The following DCDC2C variants were observed in gnomAD, a reference collection of about 807,000 sequenced individuals.
DCDC2C encodes the protein doublecortin domain containing 2C.
In DCDC2C, 44 loss-of-function variants were observed where a neutral mutation model predicts 45.0. That is an observed-to-expected ratio of 0.98 (90% CI 0.77 to 1.26). DCDC2C has a LOEUF of 1.26. Among genes scored for constraint, DCDC2C ranks in the 50% most tolerant of loss-of-function variants. The pLI, the probability that DCDC2C is intolerant of heterozygous loss-of-function variation, is 0.00. For missense variants in DCDC2C, 447 were observed against 468.9 expected (o/e 0.95, Z 0.43); for synonymous variants, 187 against 178.8 (o/e 1.05, Z -0.37).
intron 10 of DCDC2C, among the ~76,000 whole-genome samples, chr2:3,829,994 G>C (rs1239294545): frequency 1.3e-5 from 2 of 152,246 alleles, no homozygotes; most frequent in African/African-American, 4.8e-5. Context: ...CTGTGAAGAA[G>C]CCGTCAGGGC....
chr2:3,813,154 C>T (rs1480976641), intron 10 of DCDC2C, among the ~76,000 whole-genome samples: 1 of 151,220 alleles, frequency 6.6e-6, no homozygotes, highest in Non-Finnish European at 1.5e-5. Context: ...TCACTGCAAC[C>T]TCCACCTCTC....
intron 10 of DCDC2C, among the ~76,000 whole-genome samples, chr2:3,831,779 T>C (rs1400924222): frequency 6.6e-6 from 1 of 152,190 alleles, no homozygotes; most frequent in Non-Finnish European, 1.5e-5. Flanking sequence ...ACATCTGTGA[T>C]GTCTAAGGCA....
At chr2:3,763,275 G>T (rs1669931487) in intron 6 of DCDC2C, among the ~76,000 whole-genome samples, 2 of 152,160 alleles carry the variant, frequency 1.3e-5, no homozygotes, top group South Asian at 4.2e-4. Context: ...CCAGGAGGCA[G>T]GCACCATCTC....
intron 2 of DCDC2C, among the ~76,000 whole-genome samples, chr2:3,713,429 G>A (rs1229528914): frequency 6.6e-6 from 1 of 152,122 alleles, no homozygotes; most frequent in African/African-American, 2.4e-5. Flanking sequence ...CCAGAATGAG[G>A]GCCTTCCCCC....
intron 3 of DCDC2C, among the ~76,000 whole-genome samples, chr2:3,728,791 T>A (rs559466985): frequency 1.3e-5 from 2 of 152,370 alleles, no homozygotes; most frequent in African/African-American, 4.8e-5. Flanking sequence ...TGACCCTTTC[T>A]GGTGAAGAGG....
intron 9 of DCDC2C, among the ~76,000 whole-genome samples, chr2:3,780,454 G>C (rs1366569889): frequency 6.6e-6 from 1 of 152,160 alleles, no homozygotes; most frequent in East Asian, 1.9e-4. Context: ...CTTGATAACA[G>C]CCAGTAGCAG....
intron 2 of DCDC2C, among the ~76,000 whole-genome samples, chr2:3,720,553 A>C (rs1668471732): frequency 6.6e-6 from 1 of 152,230 alleles, no homozygotes; most frequent in South Asian, 2.1e-4. Context: ...CCCTTCCCAC[A>C]TGCAGCTGGG....
At chr2:3,785,557 G>A (rs147781303) in intron 10 of DCDC2C, among the ~76,000 whole-genome samples, 158 of 152,242 alleles carry the variant, frequency 1.0e-3, no homozygotes, top group Non-Finnish European at 1.6e-3. Flanking sequence ...GGAGTGGGGG[G>A]CTCACAGCCC....
At chr2:3,754,525 C>T (rs1230816065) in intron 5 of DCDC2C, 67 bp from the exon 6 acceptor site, 1 of 1,499,736 alleles carries the variant, frequency 6.7e-7, no homozygotes, top group Non-Finnish European at 9.0e-7. Flanking sequence ...AGGCTGCAGT[C>T]TGCATTTTAT....
chr2:3,823,808 A>G (rs939346219), intron 10 of DCDC2C, among the ~76,000 whole-genome samples: 1 of 151,694 alleles, frequency 6.6e-6, no homozygotes, highest in African/African-American at 2.4e-5. Flanking sequence ...TGTAATTTTC[A>G]TCTTTGTTTC....
intron 10 of DCDC2C, among the ~76,000 whole-genome samples, chr2:3,839,871 T>G (rs1261115273): frequency 6.6e-6 from 1 of 152,232 alleles, no homozygotes; most frequent in South Asian, 2.1e-4. Flanking sequence ...GCAGAAGATA[T>G]CTATGTTAAT....
chr2:3,779,864 G>C (rs1300432384), intron 9 of DCDC2C, among the ~76,000 whole-genome samples: 1 of 152,138 alleles, frequency 6.6e-6, no homozygotes, highest in Non-Finnish European at 1.5e-5. Context: ...TTGTGCCAGG[G>C]TGCTGGAGCC....
chr2:3,784,048 A>G (rs1670583803), intron 9 of DCDC2C, among the ~76,000 whole-genome samples: 1 of 152,234 alleles, frequency 6.6e-6, no homozygotes, highest in African/African-American at 2.4e-5. Context: ...AGAAGAATAC[A>G]AATTTCCAAA....
chr2:3,841,186 T>G (rs1167710673), intron 10 of DCDC2C, among the ~76,000 whole-genome samples: 5 of 152,110 alleles, frequency 3.3e-5, no homozygotes, highest in Non-Finnish European at 4.4e-5. Flanking sequence ...ACGGGAGGCT[T>G]TAGACACACA....
chr2:3,781,056 A>G (rs1572612535), intron 9 of DCDC2C, among the ~76,000 whole-genome samples: 2 of 152,346 alleles, frequency 1.3e-5, no homozygotes, highest in East Asian at 3.9e-4. Flanking sequence ...TGCTTCTAAC[A>G]TGACTGAAAC....
chr2:3,801,681 G>A, intron 10 of DCDC2C, among the ~76,000 whole-genome samples: 1 of 152,264 alleles, frequency 6.6e-6, no homozygotes, highest in East Asian at 1.9e-4. Flanking sequence ...CAGAGCCTGA[G>A]CTTGTGGGCT....
chr2:3,847,092 A>G (rs1672353211), intron 10 of DCDC2C, 62 bp from the exon 11 acceptor site: 1 of 1,169,450 alleles, frequency 8.6e-7, no homozygotes, highest in Non-Finnish European at 1.1e-6. Flanking sequence ...ACCAGAAACA[A>G]ACTGTGGCCA....
At chr2:3,711,190 T>C (rs1173194674) in intron 2 of DCDC2C, among the ~76,000 whole-genome samples, 1 of 152,076 alleles carries the variant, frequency 6.6e-6, no homozygotes, top group Non-Finnish European at 1.5e-5. Context: ...ACACTGTTGG[T>C]GGGAGGGTAA....
chr2:3,821,131 C>T (rs571419491), intron 10 of DCDC2C, among the ~76,000 whole-genome samples: 1 of 152,160 alleles, frequency 6.6e-6, no homozygotes, highest in African/African-American at 2.4e-5. Context: ...GGGGATTGTT[C>T]TCTGGTGGGC....
Sources: allele counts gnomAD v4.1 joint callset (sites outside exome capture counted in the v4.1 genomes callset), GRCh38; gene constraint gnomAD v4.1.1; transcripts MANE v1.5; gene names NCBI Gene and HGNC (gene_info 2026-07-23, HGNC 2026-07-21).